CLSTN2: variants seen among roughly 807,000 people sequenced by gnomAD.
CLSTN2 encodes calsyntenin-2.
A neutral mutation model predicts 101.2 loss-of-function variants in CLSTN2; 48 were observed. That is an observed-to-expected ratio of 0.47 (90% CI 0.38 to 0.60). The LOEUF is 0.60. Among genes scored for constraint, CLSTN2 ranks in the 20% least tolerant of loss-of-function variants. The pLI, the probability that CLSTN2 is intolerant of heterozygous loss-of-function variation, is 0.00. For synonymous variants in CLSTN2, 481 were observed against 463.6 expected (o/e 1.04, Z -0.48); for missense variants, 1,160 against 1,238.2 (o/e 0.94, Z 0.95).
intron 1 of CLSTN2, among the ~76,000 whole-genome samples, chr3:140,070,259 C>T (rs998539208): frequency 2.0e-5 from 3 of 152,162 alleles, no homozygotes; most frequent in Admixed American, 6.5e-5. Context: ...TGGTGAAAGA[C>T]GTAGACTCTC....
chr3:140,223,411 T>C (rs2086292394), intron 2 of CLSTN2, among the ~76,000 whole-genome samples: 1 of 152,186 alleles, frequency 6.6e-6, no homozygotes, highest in Non-Finnish European at 1.5e-5. Context: ...GACCAGCCCC[T>C]TGTGAGGCCT....
At chr3:140,032,956 A>G (rs1047935738) in intron 1 of CLSTN2, among the ~76,000 whole-genome samples, 1 of 152,238 alleles carries the variant, frequency 6.6e-6, no homozygotes, top group Non-Finnish European at 1.5e-5. Flanking sequence ...TAGAGCAAGG[A>G]CATTAAAGTG....
chr3:140,063,389 C>T (rs2008242327), intron 1 of CLSTN2, among the ~76,000 whole-genome samples: 1 of 152,142 alleles, frequency 6.6e-6, no homozygotes, highest in Admixed American at 6.5e-5. Context: ...CTGCCATCTC[C>T]CAGCTAGAAC....
chr3:139,995,690 A>G (rs944442640), intron 1 of CLSTN2, among the ~76,000 whole-genome samples: 3 of 152,108 alleles, frequency 2.0e-5, no homozygotes, highest in African/African-American at 7.2e-5. Flanking sequence ...ATGACAAGGA[A>G]GAGTGGTTGC....
chr3:140,172,948 G>C (rs2010262426), intron 1 of CLSTN2, among the ~76,000 whole-genome samples: 1 of 152,126 alleles, frequency 6.6e-6, no homozygotes, highest in Non-Finnish European at 1.5e-5. Flanking sequence ...GGGACATAGA[G>C]CCAAACCATA....
chr3:140,316,481 C>A (rs2087232423), intron 2 of CLSTN2, among the ~76,000 whole-genome samples: 1 of 152,180 alleles, frequency 6.6e-6, no homozygotes, highest in Non-Finnish European at 1.5e-5. Context: ...TATTTCATTT[C>A]TTTTCCATGA....
intron 1 of CLSTN2, among the ~76,000 whole-genome samples, chr3:140,037,504 TTTTG>T (rs1421370604): frequency 1.3e-5 from 2 of 152,252 alleles, no homozygotes; most frequent in East Asian, 1.9e-4. Context: ...TTATGTAGTT[TTTTG>T]TTTGTTTCTT....
rs540439477 is a variant in CLSTN2 at position 140,087,595 on chromosome 3, G to A, written c.110-88356G>A. Among the ~76,000 whole-genome samples, 12 of 152,276 alleles carry A rather than the reference G, an allele frequency of 7.9e-5. No individual in the cohort carries two copies. In the East Asian group the frequency reaches 2.3e-3, roughly 29 times the overall value. On this transcript the variant is annotated intron_variant, in intron 1 of 16. Coordinates refer to ENST00000458420, the MANE Select transcript of CLSTN2 (RefSeq NM_022131.3). ...AGATTGTTGTGCTGTGGATAATGGA[G>A]TAAAAAAGATAGACTGCTGTTTTTG...
chr3:140,424,643 C>G (rs929614479), intron 5 of CLSTN2, among the ~76,000 whole-genome samples: 2 of 152,232 alleles, frequency 1.3e-5, no homozygotes, highest in Non-Finnish European at 2.9e-5. Context: ...TTGCTTGTTA[C>G]TTGCAGATGA....
chr3:140,089,557 T>G (rs1400232337), intron 1 of CLSTN2, among the ~76,000 whole-genome samples: 1 of 152,020 alleles, frequency 6.6e-6, no homozygotes, highest in Non-Finnish European at 1.5e-5. Flanking sequence ...GGGTGCTCTA[T>G]TTTGGTCTTC....
chr3:140,096,209 C>G (rs576924688), intron 1 of CLSTN2, among the ~76,000 whole-genome samples: 3 of 152,256 alleles, frequency 2.0e-5, no homozygotes, highest in African/African-American at 7.2e-5. Flanking sequence ...TGGTTTCATG[C>G]TGTCCCCAGC....
chr3:140,572,318 C>G lies in CLSTN2; in HGVS notation c.*6065C>G, dbSNP rs1482141041. ...TTCCAATCAAGGCTGACTCAGTTCA[C>G]TTATGGATGAAAGCCAGTTACCCTG... On this transcript the variant is annotated 3_prime_UTR_variant, in exon 17 of 17. Coordinates refer to ENST00000458420, the MANE Select transcript of CLSTN2 (RefSeq NM_022131.3). 6.6e-6 allele frequency: 1 copy of G among 152,238 alleles called. No homozygotes were observed. Among genetic ancestry groups the G allele is most frequent in the Non-Finnish European group, 1.5e-5 (1 of 68,050 alleles). 9.4% of individuals were successfully genotyped at this position (152,238 alleles called of 1,614,324 possible).
chr3:140,117,587 G>A (rs968385676), intron 1 of CLSTN2, among the ~76,000 whole-genome samples: 11 of 152,178 alleles, frequency 7.2e-5, no homozygotes, highest in Non-Finnish European at 1.2e-4. Context: ...GAGAGGGGAA[G>A]CAGATATCAA....
At chr3:140,519,086 A>G (rs2107772387) in intron 8 of CLSTN2, among the ~76,000 whole-genome samples, 1 of 152,254 alleles carries the variant, frequency 6.6e-6, no homozygotes, top group Non-Finnish European at 1.5e-5. Context: ...TTCATTATTT[A>G]CCCAGGAGTC....
rs149784912 is a variant in CLSTN2 at position 140,058,490 on chromosome 3, G to A, written c.110-117461G>A. 2.1e-4 allele frequency among the ~76,000 whole-genome samples: 32 copies of A among 152,276 alleles called. No individual in the cohort carries two copies. In the East Asian group the frequency reaches 5.6e-3, roughly 27 times the overall value. Reference sequence around the variant, plus strand: ...GTAATAGAATTTGCATGCCTGGAGCGGAGATCTTCATGGTGAAAGCTTGAG... The same window carrying A: ...GTAATAGAATTTGCATGCCTGGAGCAGAGATCTTCATGGTGAAAGCTTGAG... On this transcript the variant is annotated intron_variant, in intron 1 of 16. Transcript: ENST00000458420.
chr3:140,168,913 A>T (rs1201542268), intron 1 of CLSTN2, among the ~76,000 whole-genome samples: 1 of 152,056 alleles, frequency 6.6e-6, no homozygotes, highest in Non-Finnish European at 1.5e-5. Context: ...GTAAGTTTCA[A>T]AATTAGGTAG....
chr3:140,502,094 C>T (rs1248596782), intron 8 of CLSTN2, among the ~76,000 whole-genome samples: 2 of 152,140 alleles, frequency 1.3e-5, no homozygotes, highest in Non-Finnish European at 2.9e-5. Flanking sequence ...GGGTATGGCA[C>T]AAAATGTATG....
chr3:140,105,737 A>G (rs1386245974), intron 1 of CLSTN2, among the ~76,000 whole-genome samples: 1 of 152,148 alleles, frequency 6.6e-6, no homozygotes, highest in Non-Finnish European at 1.5e-5. Context: ...GGCCTCATAG[A>G]CATTTAGCAT....
intron 1 of CLSTN2, among the ~76,000 whole-genome samples, chr3:140,054,619 C>T (rs16849756): frequency 0.018 from 2,743 of 152,178 alleles, 83 homozygotes; most frequent in African/African-American, 0.062. Context: ...ACCTGCTAGC[C>T]AAGTGAGGAG....
Sources: allele counts gnomAD v4.1 joint callset (sites outside exome capture counted in the v4.1 genomes callset), GRCh38; gene constraint gnomAD v4.1.1; transcripts MANE v1.5; gene names NCBI Gene and HGNC (gene_info 2026-07-23, HGNC 2026-07-21).